NXPE2: variants seen among roughly 807,000 people sequenced by gnomAD.
The protein encoded by NXPE2 is neurexophilin and PC-esterase domain family member 2.
A neutral mutation model predicts 34.4 loss-of-function variants in NXPE2; 34 were observed. That is an observed-to-expected ratio of 0.99 (90% confidence interval 0.75 to 1.31). The LOEUF is 1.31. Among genes scored for constraint, NXPE2 ranks in the 40% most tolerant of loss-of-function variants. The pLI is 0.00. For synonymous variants in NXPE2, 235 were observed against 231.3 expected (o/e 1.02, Z -0.15); for missense variants, 649 against 672.5 (o/e 0.97, Z 0.39).
chr11:114,640,236 A>T, the NXPE2 span, among the ~76,000 whole-genome samples: 1 of 140,736 alleles, frequency 7.1e-6, no homozygotes, highest in Non-Finnish European at 1.5e-5. Flanking sequence ...TATATAAATT[A>T]TATATTATAA....
chr11:114,503,854 G>A, the NXPE2 span, among the ~76,000 whole-genome samples: 1 of 152,186 alleles, frequency 6.6e-6, no homozygotes, highest in Non-Finnish European at 1.5e-5. Context: ...ATCTCTGCAG[G>A]GTAGTCTTGC....
the NXPE2 span, among the ~76,000 whole-genome samples, chr11:114,755,913 T>C: frequency 6.6e-6 from 1 of 152,272 alleles, no homozygotes; most frequent in East Asian, 1.9e-4. Context: ...TGACAAGGTA[T>C]CCTTCTCTAG....
At chr11:114,638,846 C>T in the NXPE2 span, among the ~76,000 whole-genome samples, 1 of 151,890 alleles carries the variant, frequency 6.6e-6, no homozygotes, top group Non-Finnish European at 1.5e-5. Context: ...GTGGAGTACC[C>T]AGCCGTGTGA....
At chr11:114,577,731 A>G in the NXPE2 span, among the ~76,000 whole-genome samples, 2 of 152,116 alleles carry the variant, frequency 1.3e-5, no homozygotes, top group Non-Finnish European at 2.9e-5. Flanking sequence ...TTGTAGACTA[A>G]GCTCATTTGA....
the NXPE2 span, chr11:114,582,521 A>T: frequency 6.2e-7 from 1 of 1,614,060 alleles, no homozygotes; most frequent in African/African-American, 1.3e-5. Flanking sequence ...TCACCCTGTC[A>T]TAGCCTTGGT....
chr11:114,785,121 C>A, the NXPE2 span, among the ~76,000 whole-genome samples: 3 of 152,152 alleles, frequency 2.0e-5, no homozygotes, highest in South Asian at 4.2e-4. Flanking sequence ...CTCTCCCAGA[C>A]AAAGGCCATT....
intron 2 of NXPE2, among the ~76,000 whole-genome samples, chr11:114,692,952 C>T (rs750311629): frequency 9.2e-5 from 14 of 152,188 alleles, no homozygotes; most frequent in Non-Finnish European, 1.8e-4. Context: ...TGTGTCTAGT[C>T]AGCCATCTTG....
the NXPE2 span, chr11:114,513,446 C>A: frequency 7.7e-6 from 2 of 259,826 alleles, no homozygotes; most frequent in South Asian, 6.1e-5. Context: ...ATAGGCATCT[C>A]TTGTCCTCAC....
At chr11:114,475,240 T>A in the NXPE2 span, among the ~76,000 whole-genome samples, 2 of 58,622 alleles carry the variant, frequency 3.4e-5, no homozygotes, top group African/African-American at 1.1e-4. Context: ...TTTTTTTTTT[T>A]TTTTTTTTTT....
chr11:114,722,644 A>G, the NXPE2 span, among the ~76,000 whole-genome samples: 1 of 152,192 alleles, frequency 6.6e-6, no homozygotes, highest in East Asian at 1.9e-4. Flanking sequence ...GATTCCTCAC[A>G]GATCCCTGAA....
chr11:114,551,096 C>T, the NXPE2 span: 12 of 1,429,746 alleles, frequency 8.4e-6, no homozygotes, highest in Non-Finnish European at 1.1e-5. Flanking sequence ...AGGTGATTTG[C>T]TCCTACCTTT....
At chr11:114,633,419 A>T in the NXPE2 span, among the ~76,000 whole-genome samples, 52 of 145,298 alleles carry the variant, frequency 3.6e-4, no homozygotes, top group African/African-American at 1.2e-3. Context: ...ATTATATGTT[A>T]TATACAATAT....
At position 114,679,688 on chromosome 11, in the gene NXPE2, C is replaced by G; in HGVS notation, c.58C>G (p.Arg20Gly). ...CACTTTGTTTCCAAATGCCATAGCT[C>G]GAAAATTACTGCTGATGTTGACATT... ...ILTLFPNAIARKLLLMLTFIL... is the reference protein window; with the variant it reads ...ILTLFPNAIAGKLLLMLTFIL... Residue 20 changes from arginine to glycine, a missense_variant, in exon 2 of 6, where the codon CGA (arginine) becomes GGA (glycine). Arg to Gly is a moderately radical substitution (Grantham distance 125). Coordinates refer to ENST00000389586, the MANE Select transcript of NXPE2 (RefSeq NM_182495.6). 1 of 1,549,640 alleles carries G rather than the reference C, an allele frequency of 6.5e-7. No individual in the cohort carries two copies. Among genetic ancestry groups the G allele is most frequent in the South Asian group, 1.2e-5 (1 of 83,858 alleles).
the NXPE2 span, among the ~76,000 whole-genome samples, chr11:114,602,445 T>C: frequency 7.5e-6 from 1 of 134,136 alleles, no homozygotes; most frequent in African/African-American, 2.7e-5. Context: ...TAATATATAA[T>C]ATATATTATA....
Position 114,706,857 on chromosome 11 carries a change from G to T in NXPE2, c.1607G>T (p.Cys536Phe), listed in dbSNP as rs985584715. Residue 536 changes from cysteine to phenylalanine, a missense_variant, in exon 6 of 6, where the codon TGC (cysteine) becomes TTC (phenylalanine). Cys to Phe is a radical substitution (Grantham distance 205). Transcript: ENST00000389586. The stretch of plus-strand genomic sequence containing the variant: ...GCCTGGGACATGACGATTGCATATT[G>T]CACCAACAATGCCCATCCACCGGAT... ...IDAWDMTIAYCTNNAHPPDYV... is the reference protein window; with the variant it reads ...IDAWDMTIAYFTNNAHPPDYV... 10 of 1,551,938 alleles carry T rather than the reference G, an allele frequency of 6.4e-6. No homozygotes were observed. In the Admixed American group the frequency reaches 2.0e-4, roughly 30 times the overall value.
chr11:114,647,191 A>G, the NXPE2 span, among the ~76,000 whole-genome samples: 1 of 152,216 alleles, frequency 6.6e-6, no homozygotes, highest in Admixed American at 6.6e-5. Context: ...TATCACTGCT[A>G]TATTATTCAC....
chr11:114,781,739 A>C, the NXPE2 span, among the ~76,000 whole-genome samples: 1 of 152,124 alleles, frequency 6.6e-6, no homozygotes, highest in Non-Finnish European at 1.5e-5. Flanking sequence ...ATAATGGTCC[A>C]TGTCAGCCCA....
chr11:114,630,899 T>G, the NXPE2 span, among the ~76,000 whole-genome samples: 1 of 151,744 alleles, frequency 6.6e-6, no homozygotes, highest in East Asian at 1.9e-4. Flanking sequence ...AAGACATTTA[T>G]GCAGCCAAAA....
chr11:114,465,741 A>T, the NXPE2 span, among the ~76,000 whole-genome samples: 2 of 152,180 alleles, frequency 1.3e-5, no homozygotes, highest in African/African-American at 4.8e-5. Context: ...AGGCAGGAGG[A>T]TCATTTGAAC....
Sources: allele counts gnomAD v4.1 joint callset (sites outside exome capture counted in the v4.1 genomes callset), GRCh38; gene constraint gnomAD v4.1.1; transcripts MANE v1.5; gene names NCBI Gene and HGNC (gene_info 2026-07-23, HGNC 2026-07-21).